Variants in VSTM5 observed in about 807,000 individuals in gnomAD.
The protein encoded by VSTM5 is V-set and transmembrane domain containing 5.
A neutral mutation model predicts 20.3 loss-of-function variants in VSTM5; 21 were observed. That is an observed-to-expected ratio of 1.03 (90% CI 0.73 to 1.49). VSTM5 has a LOEUF of 1.49. Among genes scored for constraint, VSTM5 ranks in the 40% most tolerant of loss-of-function variants. The pLI is 0.00. For missense variants in VSTM5, 219 were observed against 250.0 expected (o/e 0.88, Z 0.84); for synonymous variants, 100 against 102.5 (o/e 0.98, Z 0.14).
Position 93,820,470 on chromosome 11 carries a change from C to T in VSTM5, c.*99G>A. ...CCACTGTCCTGTTAGGAGCGGGCTG[C>T]AACAGGACCACACACAATGGGTATA... On this transcript the variant is annotated 3_prime_UTR_variant, in exon 4 of 4. Coordinates refer to ENST00000409977, the MANE Select transcript of VSTM5 (RefSeq NM_001144871.2). 1 of 1,332,316 alleles carries T rather than the reference C, an allele frequency of 7.5e-7. No individual in the cohort carries two copies. The highest frequency in any genetic ancestry group is 1.0e-6 in the Non-Finnish European group (1 of 957,326). 82.5% of individuals were successfully genotyped at this position (1,332,316 alleles called of 1,614,324 possible). A position where few individuals can be genotyped will look rare whatever the true frequency, so the allele number is the denominator to read the frequency against.
chr11:93,837,650 C>G (rs1017910035), intron 1 of VSTM5, among the ~76,000 whole-genome samples: 1 of 152,014 alleles, frequency 6.6e-6, no homozygotes. Flanking sequence ...CCTCACAGAT[C>G]GGATATGTTA....
intron 1 of VSTM5, among the ~76,000 whole-genome samples, chr11:93,835,000 C>T (rs958774424): frequency 1.1e-4 from 16 of 152,052 alleles, no homozygotes; most frequent in Non-Finnish European, 2.2e-4. Context: ...CAGTTTGGCT[C>T]TCAATGAGCC....
chr11:93,827,335 A>C (rs1267106288), intron 1 of VSTM5, among the ~76,000 whole-genome samples: 1 of 152,224 alleles, frequency 6.6e-6, no homozygotes, highest in Non-Finnish European at 1.5e-5. Flanking sequence ...GTGAGCCGAG[A>C]TCGTGCCACT....
At chr11:93,840,042 A>G (rs1347235722) in intron 1 of VSTM5, among the ~76,000 whole-genome samples, 3 of 152,198 alleles carry the variant, frequency 2.0e-5, no homozygotes, top group Non-Finnish European at 4.4e-5. Flanking sequence ...GAAGCCAGGG[A>G]GCGACATGGA....
chr11:93,825,962 C>T (rs1256785870), intron 1 of VSTM5, among the ~76,000 whole-genome samples: 1 of 151,796 alleles, frequency 6.6e-6, no homozygotes. Flanking sequence ...AAAGGCCAGG[C>T]TCAGTGGCTC....
intron 1 of VSTM5, among the ~76,000 whole-genome samples, chr11:93,838,919 G>A (rs1247839061): frequency 4.6e-5 from 7 of 152,236 alleles, no homozygotes; most frequent in Admixed American, 3.9e-4. Context: ...TTCCACTCAA[G>A]AAGCATTTGG....
At chr11:93,836,022 C>G (rs1944320041) in intron 1 of VSTM5, among the ~76,000 whole-genome samples, 1 of 152,068 alleles carries the variant, frequency 6.6e-6, no homozygotes, top group African/African-American at 2.4e-5. Context: ...TCTGGTGTCC[C>G]CAACCTCAGT....
Position 93,820,459 on chromosome 11 carries a change from G to C in VSTM5, c.*110C>G. 1 of 1,153,878 alleles carries C rather than the reference G, an allele frequency of 8.7e-7. No homozygotes were observed. The highest frequency in any genetic ancestry group is 1.4e-5 in the South Asian group (1 of 69,334). 71.5% of individuals were successfully genotyped at this position (1,153,878 alleles called of 1,614,324 possible). ...TTGTTAATCTCCCACTGTCCTGTTA[G>C]GAGCGGGCTGCAACAGGACCACACA... On this transcript the variant is annotated 3_prime_UTR_variant, in exon 4 of 4. Transcript: ENST00000409977.
At chr11:93,820,967 A>C in intron 2 of VSTM5, 30 bp downstream of exon 2, 1 of 1,551,018 alleles carries the variant, frequency 6.4e-7, no homozygotes, top group Non-Finnish European at 8.7e-7. Flanking sequence ...CACAGTTCAG[A>C]GGGGTGCCCG....
rs1403319031 is a variant in VSTM5, at chr11:93,850,380, C to T, written c.91+32G>A. ...CGTGCCCCCCTACCCATTCCCGCTC[C>T]CCCAGCACCCGGGGCGTCCCCCGGA... On this transcript the variant is annotated intron_variant, in intron 1 of 3. Transcript: ENST00000409977. 1.2e-5 allele frequency: 19 copies of T among 1,542,200 alleles called. No individual in the cohort carries two copies. In the East Asian group the frequency reaches 4.2e-4, roughly 34 times the overall value.
chr11:93,837,960 G>A (rs1274761185), intron 1 of VSTM5, among the ~76,000 whole-genome samples: 2 of 152,032 alleles, frequency 1.3e-5, no homozygotes, highest in Non-Finnish European at 2.9e-5. Context: ...TCTGCTGGTG[G>A]GTGCAGAGGG....
At chr11:93,839,459 A>C (rs1198806076) in intron 1 of VSTM5, among the ~76,000 whole-genome samples, 1 of 152,126 alleles carries the variant, frequency 6.6e-6, no homozygotes, top group African/African-American at 2.4e-5. Flanking sequence ...TGCTCCTTAG[A>C]AGTTATTTGG....
rs1944154702 is a variant in VSTM5, at chr11:93,818,891, G to A, written c.*1678C>T. The A allele has an allele frequency of 6.6e-6, 1 of 152,356 alleles. No homozygotes were observed. Among genetic ancestry groups the A allele is most frequent in the South Asian group, 2.1e-4 (1 of 4,820 alleles). 9.4% of individuals were successfully genotyped at this position (152,356 alleles called of 1,614,324 possible). A position where few individuals can be genotyped will look rare whatever the true frequency, so the allele number is the denominator to read the frequency against. On this transcript the variant is annotated 3_prime_UTR_variant, in exon 4 of 4. Coordinates refer to ENST00000409977, the MANE Select transcript of VSTM5 (RefSeq NM_001144871.2). ...GGACATAGTGTGTGAGTTTACCCGT[G>A]TGTCTACAGGAGGCGCCTTGAGGGT...
rs1792464534 is a variant in VSTM5, at chr11:93,843,201, GT to G, written c.91+7210del. Among the ~76,000 whole-genome samples the G allele has an allele frequency of 3.9e-5, 6 of 152,204 alleles. No individual in the cohort carries two copies. In the South Asian group the frequency reaches 8.3e-4, roughly 21 times the overall value. ...TTCCTCTTTATCCTTTAAGGTTTCT[GT>G]TTAAACATCATTTCCTCCAGGAAGC... is the stretch of plus-strand genomic sequence containing the variant. On this transcript the variant is annotated intron_variant, in intron 1 of 3. Coordinates refer to ENST00000409977, the MANE Select transcript of VSTM5 (RefSeq NM_001144871.2).
At chr11:93,845,567 C>G (rs1944406254) in intron 1 of VSTM5, among the ~76,000 whole-genome samples, 1 of 152,200 alleles carries the variant, frequency 6.6e-6, no homozygotes, top group African/African-American at 2.4e-5. Context: ...TGAAACTTGT[C>G]AATCCCCATC....
chr11:93,825,515 G>A (rs1944225412), intron 1 of VSTM5, among the ~76,000 whole-genome samples: 1 of 152,140 alleles, frequency 6.6e-6, no homozygotes, highest in African/African-American at 2.4e-5. Context: ...TTGTGATACA[G>A]ATTGCATTGA....
chr11:93,820,743 C>CT lies in VSTM5; in HGVS notation c.558dup (p.Glu187ArgfsTer5). On this transcript the variant is annotated frameshift_variant and splice_region_variant, in exon 3 of 4. Transcript: ENST00000409977. LOFTEE classifies it high-confidence loss of function. The stretch of plus-strand genomic sequence containing the variant: ...ATTATCACAAGGCCCAGGGGGTTAC[C>CT]TTTGAGTTTGTGTCTTCTCTTCCTC... The CT allele has an allele frequency of 6.4e-7, 1 of 1,551,692 alleles. No individual in the cohort carries two copies. Among genetic ancestry groups the CT allele is most frequent in the Non-Finnish European group, 8.7e-7 (1 of 1,146,992 alleles).
At chr11:93,849,826 C>T (rs1375655849) in intron 1 of VSTM5, among the ~76,000 whole-genome samples, 2 of 152,212 alleles carry the variant, frequency 1.3e-5, no homozygotes, top group South Asian at 4.1e-4. Flanking sequence ...CTACTCAGTG[C>T]GCTGGTCGCG....
intron 1 of VSTM5, among the ~76,000 whole-genome samples, 190 bp downstream of exon 1, chr11:93,850,222 G>A (rs1254574522): frequency 6.6e-6 from 1 of 151,978 alleles, no homozygotes; most frequent in Non-Finnish European, 1.5e-5. Context: ...TACGGTCGGC[G>A]CCGGGTCTCC....
Sources: gnomAD v4.1 joint callset for allele counts (sites outside exome capture counted in the v4.1 genomes callset) on GRCh38, gnomAD v4.1.1 for gene constraint, MANE v1.5 for transcripts, NCBI Gene and HGNC (gene_info 2026-07-23, HGNC 2026-07-21) for gene names.